Variants in MTF2 observed in about 807,000 individuals in gnomAD.
MTF2 encodes metal response element binding transcription factor 2.
MTF2 carries 11 observed loss-of-function variants against 79.5 expected under a neutral mutation model. The ratio of observed to expected loss-of-function variants is 0.14; its 90% CI spans 0.09 to 0.23. MTF2 has a LOEUF of 0.23. Among genes scored for constraint, MTF2 ranks in the 10% least tolerant of loss-of-function variants. The pLI, the probability that MTF2 is intolerant of heterozygous loss-of-function variation, is 1.00. For missense variants in MTF2, 486 were observed against 711.2 expected, an observed-to-expected ratio of 0.68 and a Z score of 3.60; for synonymous variants, 208 against 232.8, an observed-to-expected ratio of 0.89 and a Z score of 0.97.
chr1:93,134,964 TTTGTTTA>T (rs1239572382), intron 14 of MTF2, among the ~76,000 whole-genome samples: 2 of 152,048 alleles, frequency 1.3e-5, no homozygotes, highest in Non-Finnish European at 2.9e-5. Flanking sequence ...GGACAACGTT[TTTGTTTA>T]TTGTTTATTT....
intron 1 of MTF2, among the ~76,000 whole-genome samples, chr1:93,082,886 G>C (rs553904646): frequency 1.2e-4 from 18 of 152,084 alleles, no homozygotes; most frequent in African/African-American, 4.3e-4. Flanking sequence ...CTATCCTCTG[G>C]CAACCACTAA....
At chr1:93,131,811 A>G (rs1304916788) in intron 11 of MTF2, among the ~76,000 whole-genome samples, 2 of 152,202 alleles carry the variant, frequency 1.3e-5, no homozygotes, top group South Asian at 2.1e-4. Flanking sequence ...GTAGAGCCTG[A>G]ATGTGGGACT....
At position 93,095,510 on chromosome 1, in the gene MTF2, T is replaced by C. The variant is rs540380051; in HGVS notation, c.6-14720T>C. Among the ~76,000 whole-genome samples, 4 of 151,676 alleles carry C rather than the reference T, an allele frequency of 2.6e-5. No individual in the cohort carries two copies. In the East Asian group the frequency reaches 7.8e-4, roughly 30 times the overall value. Reference sequence around the variant, plus strand: ...AGTCCGCCACTACATCCAGCTGATTTTTGTATTTTTAGTAGAGACGGGATT... The same window carrying C: ...AGTCCGCCACTACATCCAGCTGATTCTTGTATTTTTAGTAGAGACGGGATT... On this transcript the variant is annotated intron_variant, in intron 1 of 14. Coordinates refer to ENST00000370298, the MANE Select transcript of MTF2 (RefSeq NM_007358.4).
intron 7 of MTF2, among the ~76,000 whole-genome samples, chr1:93,118,756 C>T (rs1167401177): frequency 6.6e-6 from 1 of 152,066 alleles, no homozygotes; most frequent in Non-Finnish European, 1.5e-5. Flanking sequence ...ACCACAGGGC[C>T]TTGTTAAAGA....
chr1:93,092,639 G>A (rs947388936), intron 1 of MTF2, among the ~76,000 whole-genome samples: 51 of 152,100 alleles, frequency 3.4e-4, no homozygotes, highest in African/African-American at 1.2e-3. Context: ...GAATAAGGGG[G>A]TAAGCTTTCT....
At chr1:93,126,210 T>C (rs757639950) in intron 9 of MTF2, among the ~76,000 whole-genome samples, 44 of 151,758 alleles carry the variant, frequency 2.9e-4, no homozygotes, top group Non-Finnish European at 5.3e-4. Context: ...TCTCAGTGAG[T>C]GTAGAATGAA....
At position 93,137,266 on chromosome 1, in the gene MTF2, A is replaced by T. The variant is rs1171002389; in HGVS notation, c.*239A>T. On this transcript the variant is annotated 3_prime_UTR_variant, in exon 15 of 15. Coordinates refer to ENST00000370298, the MANE Select transcript of MTF2 (RefSeq NM_007358.4). ...TTTTTTAAATCTTAAGATTTGTAGA[A>T]TGTTTCTAGGATAGGATATTAAAAA... 2.7e-6 allele frequency: 1 copy of T among 371,618 alleles called. No individual in the cohort carries two copies. The highest frequency in any genetic ancestry group is 4.2e-5 in the East Asian group (1 of 23,624). The allele number at this position is 371,618 out of a possible 1,614,324, so 23.0% of individuals were successfully genotyped here.
At chr1:93,120,459 C>T (rs1368479456) in intron 8 of MTF2, 90 bp from the exon 9 acceptor site, 4 of 1,217,924 alleles carry the variant, frequency 3.3e-6, no homozygotes, top group Non-Finnish European at 4.5e-6. Context: ...TTTCTCTTTG[C>T]ATTTTAATTA....
At chr1:93,095,417 TGCA>T (rs572827445) in intron 1 of MTF2, among the ~76,000 whole-genome samples, 8 of 152,294 alleles carry the variant, frequency 5.3e-5, no homozygotes, top group African/African-American at 1.9e-4. Flanking sequence ...CTTGGCTCAC[TGCA>T]ACCTCCGCCT....
intron 1 of MTF2, among the ~76,000 whole-genome samples, chr1:93,097,959 A>G (rs1221400870): frequency 2.0e-5 from 3 of 151,980 alleles, no homozygotes; most frequent in African/African-American, 7.3e-5. Context: ...TCTCTTTTGC[A>G]TAGTGTTTGT....
At chr1:93,113,644 G>A (rs1656125258) in intron 3 of MTF2, among the ~76,000 whole-genome samples, 1 of 152,080 alleles carries the variant, frequency 6.6e-6, no homozygotes, top group Non-Finnish European at 1.5e-5. Context: ...AAATGCTTTT[G>A]ATAGAAGAAA....
intron 1 of MTF2, among the ~76,000 whole-genome samples, chr1:93,100,846 C>T (rs1444709021): frequency 6.6e-6 from 1 of 152,218 alleles, no homozygotes; most frequent in Non-Finnish European, 1.5e-5. Context: ...CCTGTTGCTT[C>T]CCTTATACCT....
intron 14 of MTF2, among the ~76,000 whole-genome samples, chr1:93,134,636 C>G (rs1468552505): frequency 1.3e-5 from 2 of 152,024 alleles, no homozygotes; most frequent in Non-Finnish European, 2.9e-5. Flanking sequence ...ACAATCCTCC[C>G]ATGTCGGCCT....
chr1:93,116,236 ATT>A (rs11362921), intron 6 of MTF2, among the ~76,000 whole-genome samples: 4 of 150,600 alleles, frequency 2.7e-5, no homozygotes, highest in Admixed American at 1.3e-4. Flanking sequence ...TTTAAAAAGT[ATT>A]TTTTTTTTTG....
chr1:93,135,269 G>A (rs1371041621), intron 14 of MTF2, among the ~76,000 whole-genome samples: 1 of 152,192 alleles, frequency 6.6e-6, no homozygotes, highest in Non-Finnish European at 1.5e-5. Context: ...ACTTTGCCTG[G>A]CCAGGACAAC....
chr1:93,134,174 C>G lies in MTF2; in HGVS notation c.1403C>G (p.Ser468Cys), dbSNP rs1647274075. Reference protein sequence around the residue: ...GASSAKETTSSSISRHYGLSD... With the variant: ...GASSAKETTSCSISRHYGLSD... The stretch of plus-strand genomic sequence containing the variant: ...TCCAGTGCAAAAGAAACTACCTCGT[C>G]TAGCATTTCCAGGCATTATGGGTAG... Residue 468 changes from serine to cysteine, a missense_variant, in exon 14 of 15, where the codon TCT becomes TGT. Around this residue, in one of 4 missense-constraint regions of MTF2, gnomAD observed 209 missense variants for 206.5 expected, o/e 1.01. Coordinates refer to ENST00000370298, the MANE Select transcript of MTF2 (RefSeq NM_007358.4). 1 of 1,610,570 alleles carries G rather than the reference C, an allele frequency of 6.2e-7. No homozygotes were observed. The highest frequency in any genetic ancestry group is 1.3e-5 in the African/African-American group (1 of 74,854).
At chr1:93,107,883 T>C (rs1300762029) in intron 1 of MTF2, among the ~76,000 whole-genome samples, 4 of 152,058 alleles carry the variant, frequency 2.6e-5, no homozygotes, top group Non-Finnish European at 5.9e-5. Context: ...TGGCCTCATA[T>C]AGTCCTCCCA....
chr1:93,128,961 A>T (rs1415119956), intron 10 of MTF2: 1 of 180,646 alleles, frequency 5.5e-6, no homozygotes, highest in Non-Finnish European at 1.1e-5. Context: ...GACACTAAAT[A>T]TGGGAAAGCA....
intron 9 of MTF2, among the ~76,000 whole-genome samples, chr1:93,124,157 T>G (rs1571247661): frequency 6.6e-6 from 1 of 152,222 alleles, no homozygotes; most frequent in African/African-American, 2.4e-5. Flanking sequence ...TTACATTGTT[T>G]CCTTATGTAG....
Sources: gnomAD v4.1 joint callset for allele counts (sites outside exome capture counted in the v4.1 genomes callset) on GRCh38, gnomAD v4.1.1 for gene constraint, gnomAD v4.1.1 regional missense constraint, MANE v1.5 for transcripts, NCBI Gene and HGNC (gene_info 2026-07-23, HGNC 2026-07-21) for gene names.